POU6F1: variants seen among roughly 807,000 people sequenced by gnomAD.
The protein encoded by POU6F1 is POU domain, class 6, transcription factor 1.
POU6F1 carries 9 observed loss-of-function variants against 28.9 expected under a neutral mutation model. That is an observed-to-expected ratio of 0.31 (90% CI 0.19 to 0.54). The LOEUF is 0.54. POU6F1 is among the 20% of genes least tolerant of loss of function. The pLI is 0.94. For synonymous variants in POU6F1, 173 were observed against 171.1 expected (o/e 1.01, Z -0.09); for missense variants, 338 against 426.1 (o/e 0.79, Z 1.82).
chr12:51,216,634 T>C (rs1183026835), intron 1 of POU6F1, among the ~76,000 whole-genome samples: 2 of 152,190 alleles, frequency 1.3e-5, no homozygotes, highest in Admixed American at 1.3e-4. Context: ...GAATTATTCC[T>C]CAGAAGGCCT....
Position 51,192,485 on chromosome 12 carries a change from G to C in POU6F1, c.1180-14C>G. ...GATGGGCTGCACCTGTGAAAGGACA[G>C]ACAACAAGCCTTTGCTGCCCTCTGC... On this transcript the variant is annotated splice_polypyrimidine_tract_variant and intron_variant, in intron 8 of 10. Coordinates refer to ENST00000333640, the MANE Select transcript of POU6F1 (RefSeq NM_001330422.2). 1 of 1,611,666 alleles carries C rather than the reference G, an allele frequency of 6.2e-7. No individual in the cohort carries two copies. The highest frequency in any genetic ancestry group is 8.5e-7 in the Non-Finnish European group (1 of 1,179,268).
At position 51,191,853 on chromosome 12, in the gene POU6F1, TGA is replaced by T. The variant is rs1348759246; in HGVS notation, c.1322-91_1322-90del. The T allele has an allele frequency of 5.3e-6, 8 of 1,495,812 alleles. No homozygotes were observed. The East Asian group carries it at 1.8e-4, about 34-fold the overall frequency. The allele number at this position is 1,495,812 out of a possible 1,614,324, so 92.7% of individuals were successfully genotyped here. On this transcript the variant is annotated intron_variant, in intron 9 of 10. Coordinates refer to ENST00000333640, the MANE Select transcript of POU6F1 (RefSeq NM_001330422.2). ...TCATTGGTCTGAACTGACGCAGTAGTGAGAGGTGAGGACACCTGGGAAAAGGC... is the reference window on the plus strand; with the variant it reads ...TCATTGGTCTGAACTGACGCAGTAGTGAGGTGAGGACACCTGGGAAAAGGC...
At position 51,190,468 on chromosome 12, in the gene POU6F1, C is replaced by T. The variant is rs1592132633; in HGVS notation, c.1615G>A (p.Gly539Ser). 2 of 1,614,188 alleles carry T rather than the reference C, an allele frequency of 1.2e-6. No homozygotes were observed. The highest frequency in any genetic ancestry group is 8.5e-7 in the Non-Finnish European group (1 of 1,180,044). ...CGTTTGCGTTTCTTGGAGGGCTCGC[C>T]TCCCACAAACTCCATCAGGTTCTGC... The part of the protein sequence containing the change: ...GQQNLMEFVG[G>S]EPSKKRKRRT... The change falls in exon 11 of 11, where the codon GGC becomes AGC. Residue 539 changes from glycine to serine, a missense_variant. Coordinates refer to ENST00000333640, the MANE Select transcript of POU6F1 (RefSeq NM_001330422.2). This position sits in a 1 kb window ranked among gnomAD's most constrained non-coding sequence, Gnocchi z 4.5.
At position 51,196,086 on chromosome 12, in the gene POU6F1, G is replaced by T; in HGVS notation, c.1063C>A (p.Pro355Thr). ...CCCTGGGCGTTCAACAACAGCTGGG[G>T]GGTCACGGCCTGGACCTGCAGGCTT... The part of the protein sequence containing the change: ...AQSLQVQAVT[P>T]QLLLNAQGQV... Residue 355 changes from proline (P) to threonine (T), a missense_variant, in exon 8 of 11, where the codon CCC (proline) becomes ACC (threonine). This residue lies in a region of POU6F1 where 206 missense variants were observed against 225.6 expected (regional missense o/e 0.91). Transcript: ENST00000333640. The T allele has an allele frequency of 6.2e-7, 1 of 1,605,960 alleles. No individual in the cohort carries two copies. The highest frequency in any genetic ancestry group is 8.5e-7 in the Non-Finnish European group (1 of 1,176,746).
chr12:51,205,930 T>C (rs1943573866), intron 2 of POU6F1, among the ~76,000 whole-genome samples: 1 of 149,418 alleles, frequency 6.7e-6, no homozygotes, highest in African/African-American at 2.5e-5. Context: ...GCAATTCTCC[T>C]GCCTCAGCCA....
intron 1 of POU6F1, among the ~76,000 whole-genome samples, chr12:51,214,475 C>T (rs1370650026): frequency 6.6e-6 from 1 of 152,126 alleles, no homozygotes; most frequent in Non-Finnish European, 1.5e-5. Context: ...GTCCCCAAGG[C>T]TCAGGACACA....
intron 8 of POU6F1, among the ~76,000 whole-genome samples, chr12:51,194,554 T>C (rs1163404843): frequency 6.6e-6 from 1 of 151,342 alleles, no homozygotes; most frequent in African/African-American, 2.4e-5. Flanking sequence ...AGTGGGAGGA[T>C]TGATTGAGTC....
At chr12:51,216,881 G>A (rs1944313358) in intron 1 of POU6F1, among the ~76,000 whole-genome samples, 1 of 152,292 alleles carries the variant, frequency 6.6e-6, no homozygotes, top group Non-Finnish European at 1.5e-5. Context: ...GCTTCCAGTC[G>A]GGCTGAGTGG....
chr12:51,191,531 A>G, intron 10 of POU6F1, 65 bp downstream of exon 10: 3 of 1,557,734 alleles, frequency 1.9e-6, no homozygotes, highest in Non-Finnish European at 2.6e-6. Flanking sequence ...TCAGGTTCCC[A>G]TGAGTGCCCG....
chr12:51,192,309 A>ACTTCTCCAG, intron 9 of POU6F1, 21 bp downstream of exon 9: 1 of 1,612,564 alleles, frequency 6.2e-7, no homozygotes, highest in Non-Finnish European at 8.5e-7. Context: ...TCTCCACACT[A>ACTTCTCCAG]CTTCTCCAGG....
At chr12:51,202,879 T>A (rs530954845) in intron 3 of POU6F1, among the ~76,000 whole-genome samples, 7 of 152,260 alleles carry the variant, frequency 4.6e-5, no homozygotes, top group African/African-American at 1.7e-4. Flanking sequence ...AAAGACTGGA[T>A]AGTAATTTAG....
chr12:51,194,886 C>T (rs528497393), intron 8 of POU6F1, among the ~76,000 whole-genome samples: 5 of 152,254 alleles, frequency 3.3e-5, no homozygotes, highest in East Asian at 3.9e-4. Flanking sequence ...ATTTACAAAA[C>T]TTGGAAGTGC....
At position 51,190,398 on chromosome 12, in the gene POU6F1, T is replaced by C. The variant is rs1295918601; in HGVS notation, c.1685A>G (p.Tyr562Cys). 1 of 1,614,040 alleles carries C rather than the reference T, an allele frequency of 6.2e-7. No individual in the cohort carries two copies. The highest frequency in any genetic ancestry group is 1.3e-5 in the African/African-American group (1 of 74,910). ...TGTGGGCAGTGGGTTCTTCTCAAAA[T>C]AGGCATTGAGAGCCTCTATGGCCTG... is the stretch of plus-strand genomic sequence containing the variant. ...TPQAIEALNAYFEKNPLPTGQ... is the reference protein window; with the variant it reads ...TPQAIEALNACFEKNPLPTGQ... Residue 562 changes from tyrosine (Y) to cysteine (C), a missense_variant, in exon 11 of 11, where the codon TAT becomes TGT. Around this residue, in one of 3 missense-constraint regions of POU6F1, gnomAD observed 126 missense variants for 176.5 expected, o/e 0.71. Transcript: ENST00000333640. The surrounding 1 kb of genome is among the most constrained non-coding windows in gnomAD (Gnocchi z 4.5).
chr12:51,194,352 A>G (rs1225241882), intron 8 of POU6F1, among the ~76,000 whole-genome samples: 2 of 152,118 alleles, frequency 1.3e-5, no homozygotes, highest in Non-Finnish European at 2.9e-5. Context: ...TAAAAAATGC[A>G]TCTCTCAGCT....
intron 1 of POU6F1, among the ~76,000 whole-genome samples, chr12:51,212,154 C>T (rs1487959160): frequency 6.6e-6 from 1 of 151,866 alleles, no homozygotes; most frequent in Non-Finnish European, 1.5e-5. Flanking sequence ...AGTCCAGTGG[C>T]ACAATCTCGG....
rs1408112236 is a variant in POU6F1, at chr12:51,199,701, G to A, written c.366+46C>T. On this transcript the variant is annotated intron_variant, in intron 4 of 10. Transcript: ENST00000333640. This position sits in a 1 kb window ranked among gnomAD's most constrained non-coding sequence, Gnocchi z 4.1. ...CCCCATGCTGGCTGTCCCATGCCTC[G>A]CTCCTGCCCCCGGCCTTCTGTCCAG... 5 of 398,896 alleles carry A rather than the reference G, an allele frequency of 1.3e-5. No homozygotes were observed. The highest frequency in any genetic ancestry group is 1.3e-4 in the South Asian group (1 of 7,848). 24.7% of individuals were successfully genotyped at this position (398,896 alleles called of 1,614,324 possible).
At chr12:51,212,062 G>C (rs561425469) in intron 1 of POU6F1, among the ~76,000 whole-genome samples, 1 of 138,552 alleles carries the variant, frequency 7.2e-6, no homozygotes, top group African/African-American at 2.5e-5. Context: ...CTTGCCTTTC[G>C]TTTTTTTTTT....
intron 8 of POU6F1, among the ~76,000 whole-genome samples, chr12:51,194,160 A>G (rs1263981556): frequency 6.6e-6 from 1 of 151,966 alleles, no homozygotes; most frequent in Non-Finnish European, 1.5e-5. Context: ...CCAAGTAGCT[A>G]GGATTACAGG....
chr12:51,201,660 C>T (rs980522968), intron 3 of POU6F1: 1 of 151,840 alleles, frequency 6.6e-6, no homozygotes, highest in Non-Finnish European at 1.5e-5. Context: ...AAGTGACAAA[C>T]ATAAATGATG....
Sources: gnomAD v4.1 joint callset for allele counts (sites outside exome capture counted in the v4.1 genomes callset) on GRCh38, gnomAD v4.1.1 for gene constraint, gnomAD v4.1.1 regional missense constraint, Gnocchi (gnomAD v3.1) non-coding constraint, MANE v1.5 for transcripts, NCBI Gene and HGNC (gene_info 2026-07-23, HGNC 2026-07-21) for gene names.